The following CSMD1 variants were observed in gnomAD, a reference collection of about 807,000 sequenced individuals.
The protein encoded by CSMD1 is CUB and Sushi multiple domains 1, also known as CUB and sushi domain-containing protein 1.
Under a neutral mutation model 417.5 loss-of-function variants are expected in CSMD1, and 213 were observed. The observed-to-expected ratio is 0.51, with a 90% confidence interval of 0.46 to 0.57. The LOEUF is 0.57. CSMD1 is among the 20% of genes least tolerant of loss of function. CSMD1 has a pLI of 0.00. For missense variants in CSMD1, 6,923 were observed against 4,529.7 expected (o/e 1.53, Z -15.17); for synonymous variants, 2,862 against 1,736.8 (o/e 1.65, Z -16.11).
At chr8:3,357,006 G>A (rs1190897608) in intron 21 of CSMD1, among the ~76,000 whole-genome samples, 1 of 152,038 alleles carries the variant, frequency 6.6e-6, no homozygotes, top group Non-Finnish European at 1.5e-5. Flanking sequence ...GGGAGCCAGG[G>A]AAAGCATCAG....
intron 4 of CSMD1, among the ~76,000 whole-genome samples, chr8:4,012,747 G>A (rs905195231): frequency 6.6e-6 from 1 of 152,054 alleles, no homozygotes; most frequent in East Asian, 1.9e-4. Context: ...CCCTAAAATG[G>A]TTCTTTTGCT....
intron 5 of CSMD1, among the ~76,000 whole-genome samples, chr8:3,930,512 C>G (rs1465778529): frequency 1.3e-5 from 2 of 150,618 alleles, no homozygotes; most frequent in East Asian, 3.9e-4. Flanking sequence ...TTGTTCTCCT[C>G]TGCCTTTGCC....
rs1380349717 is a variant in CSMD1, at chr8:3,998,072, T to C, written c.649A>G (p.Ser217Gly). ...ACGGTLRGTS[S>G]SISSPHFPSE... ...GGGAAGTGCGGGCTGGAGATGGAGC[T>C]GCTGGTCCCGCGTAAGGTTCCTCCG... The change falls in exon 5 of 70, where the codon AGC (serine) becomes GGC (glycine). Residue 217 changes from serine (S) to glycine (G), a missense_variant. Ser to Gly is a moderately conservative substitution (Grantham distance 56, BLOSUM62 0). Transcript: ENST00000635120. 1.3e-6 allele frequency: 2 copies of C among 1,589,728 alleles called. No homozygotes were observed. The highest frequency in any genetic ancestry group is 1.3e-5 in the African/African-American group (1 of 74,486).
At chr8:3,564,068 C>T (rs889327193) in intron 10 of CSMD1, among the ~76,000 whole-genome samples, 2 of 152,058 alleles carry the variant, frequency 1.3e-5, no homozygotes, top group African/African-American at 2.4e-5. Context: ...TATTTTGGTA[C>T]ATGTATATGA....
chr8:3,922,012 T>G (rs1201501233), intron 5 of CSMD1, among the ~76,000 whole-genome samples: 1 of 152,162 alleles, frequency 6.6e-6, no homozygotes, highest in East Asian at 1.9e-4. Flanking sequence ...ATATATTGTT[T>G]TCTATTTTCC....
intron 1 of CSMD1, among the ~76,000 whole-genome samples, chr8:4,703,440 A>T (rs1419113339): frequency 6.6e-6 from 1 of 152,208 alleles, no homozygotes; most frequent in African/African-American, 2.4e-5. Flanking sequence ...AACATGCATG[A>T]ATAGCCTATC....
chr8:3,777,333 A>G (rs1390141033), intron 5 of CSMD1, among the ~76,000 whole-genome samples: 1 of 152,064 alleles, frequency 6.6e-6, no homozygotes, highest in Non-Finnish European at 1.5e-5. Context: ...TCCTACTCAC[A>G]CAGTGCTCCA....
chr8:3,560,381 G>C (rs577200373), intron 10 of CSMD1, among the ~76,000 whole-genome samples: 2 of 152,230 alleles, frequency 1.3e-5, no homozygotes, highest in Middle Eastern at 6.8e-3. Context: ...AGGACATTGA[G>C]AGTCAAGAAT....
intron 3 of CSMD1, among the ~76,000 whole-genome samples, chr8:4,102,392 G>C (rs1406373177): frequency 6.6e-6 from 1 of 152,098 alleles, no homozygotes; most frequent in Non-Finnish European, 1.5e-5. Flanking sequence ...ACTTCGTAAG[G>C]TTAACCCCTC....
At chr8:4,430,753 GTATGTT>G (rs945940403) in intron 2 of CSMD1, among the ~76,000 whole-genome samples, 6 of 152,030 alleles carry the variant, frequency 3.9e-5, no homozygotes, top group Admixed American at 3.9e-4. Flanking sequence ...TCCACATAAT[GTATGTT>G]TATGACAATC....
intron 52 of CSMD1, among the ~76,000 whole-genome samples, chr8:3,002,723 G>A (rs1323246421): frequency 6.6e-6 from 1 of 152,134 alleles, no homozygotes; most frequent in Non-Finnish European, 1.5e-5. Context: ...TCTTCTTTGG[G>A]AACCTGGCAA....
intron 5 of CSMD1, among the ~76,000 whole-genome samples, chr8:3,934,235 G>C (rs1486693276): frequency 6.6e-6 from 1 of 152,108 alleles, no homozygotes; most frequent in East Asian, 1.9e-4. Flanking sequence ...GATGAAAACT[G>C]ATGAACTTGC....
chr8:2,938,871 G>A, intron 69 of CSMD1, 127 bp from the exon 70 acceptor site: 1 of 738,000 alleles, frequency 1.4e-6, no homozygotes, highest in East Asian at 2.8e-5. Flanking sequence ...TGCAAAGAAG[G>A]AAGGCATCCA....
intron 4 of CSMD1, among the ~76,000 whole-genome samples, chr8:4,000,209 G>C (rs1163887657): frequency 7.4e-6 from 1 of 135,544 alleles, no homozygotes; most frequent in Non-Finnish European, 1.6e-5. Context: ...ACATTCTTGG[G>C]AACAGCCGAA....
chr8:3,186,508 G>A lies in CSMD1; in HGVS notation c.5620+1361C>T, dbSNP rs145200651. ...AATGGCCATGCCCAAATAAAAATATGGTTTTATTTGCTGAGAACCAGAGAT... is the reference window on the plus strand; with the variant it reads ...AATGGCCATGCCCAAATAAAAATATAGTTTTATTTGCTGAGAACCAGAGAT... On this transcript the variant is annotated intron_variant, in intron 36 of 69. Transcript: ENST00000635120. 5.1e-4 allele frequency among the ~76,000 whole-genome samples: 77 copies of A among 152,204 alleles called. No homozygotes were observed. The East Asian group carries it at 0.011, about 22-fold the overall frequency.
rs553214989 is a variant in CSMD1 at position 3,248,796 on chromosome 8, C to A, written c.4154-18565G>T. 1.9e-3 allele frequency among the ~76,000 whole-genome samples: 295 copies of A among 151,952 alleles called. 2 individuals carry two copies. Among genetic ancestry groups the A allele is most frequent in the African/African-American group, 6.9e-3 (284 of 41,432 alleles). ...TGTCCATAGCTAGGGACAATTTTAC[C>A]CTATTCTCTTGTTCACTTGGCTAAA... On this transcript the variant is annotated intron_variant, in intron 26 of 69. Coordinates refer to ENST00000635120, the MANE Select transcript of CSMD1 (RefSeq NM_033225.6).
chr8:4,085,676 G>C (rs962077707), intron 3 of CSMD1, among the ~76,000 whole-genome samples: 1 of 152,122 alleles, frequency 6.6e-6, no homozygotes. Flanking sequence ...TGTGATTCCA[G>C]GATAATGCTC....
chr8:3,517,184 T>C (rs1214322973), intron 10 of CSMD1, among the ~76,000 whole-genome samples: 1 of 152,158 alleles, frequency 6.6e-6, no homozygotes, highest in Non-Finnish European at 1.5e-5. Flanking sequence ...TGTCACCAGA[T>C]GTTTGACTCT....
intron 5 of CSMD1, among the ~76,000 whole-genome samples, chr8:3,816,887 C>T (rs1274171501): frequency 6.6e-6 from 1 of 152,122 alleles, no homozygotes; most frequent in Admixed American, 6.5e-5. Flanking sequence ...ATATATTTCA[C>T]TTTCCACACC....
Sources: gnomAD v4.1 joint callset for allele counts (sites outside exome capture counted in the v4.1 genomes callset) on GRCh38, gnomAD v4.1.1 for gene constraint, MANE v1.5 for transcripts, NCBI Gene and HGNC (gene_info 2026-07-23, HGNC 2026-07-21) for gene names.